AGBL4: variants seen among roughly 807,000 people sequenced by gnomAD.
AGBL4 encodes the protein cytosolic carboxypeptidase 6.
AGBL4 carries 58 observed loss-of-function variants against 66.4 expected under a neutral mutation model. The observed-to-expected ratio is 0.87, with a 90% CI of 0.71 to 1.09. The LOEUF (loss-of-function observed/expected upper bound fraction) is 1.09. Ranked by LOEUF, AGBL4 falls within the 50% of genes least tolerant of loss-of-function variation. The pLI, the probability that AGBL4 is intolerant of heterozygous loss-of-function variation, is 0.00. For missense variants in AGBL4, 579 were observed against 631.0 expected (o/e 0.92, Z 0.88); for synonymous variants, 234 against 222.9 (o/e 1.05, Z -0.44).
Position 48,742,002 on chromosome 1 carries a change from A to G in AGBL4, c.635-78761T>C, listed in dbSNP as rs188737548. On this transcript the variant is annotated intron_variant, in intron 6 of 13. Transcript: ENST00000371839. ...TTCACGAGCGATTCCATTACTAATA[A>G]TCTTAAGTTTTTGTTTATGATTTGT... is the stretch of plus-strand genomic sequence containing the variant. Among the ~76,000 whole-genome samples the G allele has an allele frequency of 2.0e-5, 3 of 152,286 alleles. No homozygotes were observed. In the East Asian group the frequency reaches 5.8e-4, roughly 29 times the overall value.
At chr1:49,326,377 G>A (rs1026609622) in intron 3 of AGBL4, among the ~76,000 whole-genome samples, 5 of 151,996 alleles carry the variant, frequency 3.3e-5, no homozygotes, top group African/African-American at 1.2e-4. Context: ...TTTTATCCAG[G>A]GCTATGTTTA....
At chr1:48,871,633 A>G (rs967414523) in intron 5 of AGBL4, among the ~76,000 whole-genome samples, 2 of 152,038 alleles carry the variant, frequency 1.3e-5, no homozygotes, top group East Asian at 1.9e-4. Context: ...GAGGAAACCA[A>G]TTTCTTTGCT....
At chr1:49,241,513 G>A (rs1455311642) in intron 4 of AGBL4, among the ~76,000 whole-genome samples, 1 of 151,976 alleles carries the variant, frequency 6.6e-6, no homozygotes, top group Non-Finnish European at 1.5e-5. Context: ...AATTATAACT[G>A]TTATTACAAA....
intron 1 of AGBL4, among the ~76,000 whole-genome samples, chr1:49,948,319 A>T (rs1234851753): frequency 1.8e-5 from 2 of 111,360 alleles, no homozygotes; most frequent in African/African-American, 7.5e-5. Context: ...TATATATATA[A>T]ATATATAAAC....
intron 4 of AGBL4, among the ~76,000 whole-genome samples, chr1:49,166,955 T>C (rs775918398): frequency 5.9e-5 from 9 of 152,198 alleles, no homozygotes; most frequent in African/African-American, 1.9e-4. Flanking sequence ...AACACATTAA[T>C]AGCCCTTTCA....
intron 3 of AGBL4, among the ~76,000 whole-genome samples, chr1:49,552,686 T>G (rs958936756): frequency 3.3e-5 from 5 of 152,198 alleles, no homozygotes; most frequent in Non-Finnish European, 1.5e-5. Flanking sequence ...GCAGTCCGCT[T>G]TCTTCAGAAG....
At chr1:49,139,495 C>G (rs187179460) in intron 4 of AGBL4, among the ~76,000 whole-genome samples, 2 of 152,072 alleles carry the variant, frequency 1.3e-5, no homozygotes, top group African/African-American at 4.8e-5. Flanking sequence ...GGAATTCAAA[C>G]CCCAGGCTGC....
Position 49,765,018 on chromosome 1 carries a change from A to G in AGBL4, c.158-67581T>C, listed in dbSNP as rs557479563. ...CACATTCCCCTACAAATACCTCAAC[A>G]CACTTCAGCAGGAGCTCCTCCCAGT... On this transcript the variant is annotated intron_variant, in intron 2 of 13. Transcript: ENST00000371839. 7.2e-5 allele frequency among the ~76,000 whole-genome samples: 11 copies of G among 152,254 alleles called. No homozygotes were observed. The South Asian group carries it at 1.9e-3, about 26-fold the overall frequency.
chr1:50,002,405 T>C (rs1185629775), intron 1 of AGBL4, among the ~76,000 whole-genome samples: 1 of 142,194 alleles, frequency 7.0e-6, no homozygotes, highest in Non-Finnish European at 1.5e-5. Context: ...AGTCTCGCTC[T>C]GTCGCCCAGG....
chr1:48,587,414 G>T (rs546633772), intron 10 of AGBL4, among the ~76,000 whole-genome samples: 1 of 151,842 alleles, frequency 6.6e-6, no homozygotes, highest in Non-Finnish European at 1.5e-5. Flanking sequence ...GAGAGAGGGA[G>T]CAGGGAAAAG....
chr1:49,915,418 C>T (rs1057393101), intron 1 of AGBL4, among the ~76,000 whole-genome samples: 12 of 152,312 alleles, frequency 7.9e-5, no homozygotes, highest in South Asian at 2.1e-4. Context: ...TCTTAACAAA[C>T]GGCACACCAA....
chr1:49,574,306 T>C (rs1558066552), intron 3 of AGBL4, among the ~76,000 whole-genome samples: 1 of 152,212 alleles, frequency 6.6e-6, no homozygotes, highest in Admixed American at 6.5e-5. Flanking sequence ...GTAGGGACTC[T>C]GCTTTTAATG....
At chr1:49,534,987 T>C (rs932710026) in intron 3 of AGBL4, among the ~76,000 whole-genome samples, 5 of 152,240 alleles carry the variant, frequency 3.3e-5, no homozygotes, top group African/African-American at 4.8e-5. Flanking sequence ...AGCCCCAGGC[T>C]GCACAGCTCT....
At chr1:48,690,706 G>C (rs1646616144) in intron 6 of AGBL4, among the ~76,000 whole-genome samples, 1 of 152,128 alleles carries the variant, frequency 6.6e-6, no homozygotes, top group Non-Finnish European at 1.5e-5. Flanking sequence ...ATCAATGTTG[G>C]AAATCTATCC....
chr1:49,499,691 T>C (rs1022889831), intron 3 of AGBL4, among the ~76,000 whole-genome samples: 1 of 151,880 alleles, frequency 6.6e-6, no homozygotes, highest in African/African-American at 2.4e-5. Flanking sequence ...ATGCCATCAT[T>C]TTGTTCCTTT....
intron 6 of AGBL4, among the ~76,000 whole-genome samples, chr1:48,713,103 A>T (rs61112195): frequency 0.014 from 2,191 of 152,340 alleles, 49 homozygotes; most frequent in African/African-American, 0.05. Flanking sequence ...CACAAGACTC[A>T]TGGTGAGCAA....
intron 3 of AGBL4, among the ~76,000 whole-genome samples, chr1:49,372,619 C>CTT (rs763475590): frequency 1.2e-4 from 7 of 56,964 alleles, no homozygotes; most frequent in Admixed American, 9.8e-4. Context: ...TTCTTTCTTT[C>CTT]TTTCTTTCTT....
intron 9 of AGBL4, among the ~76,000 whole-genome samples, chr1:48,596,842 A>T (rs1645001632): frequency 6.6e-6 from 1 of 152,168 alleles, no homozygotes. Context: ...CCTGCCACAA[A>T]AAAAGGGATA....
intron 3 of AGBL4, among the ~76,000 whole-genome samples, chr1:49,418,328 C>T (rs950604395): frequency 2.0e-5 from 3 of 152,168 alleles, no homozygotes; most frequent in Non-Finnish European, 4.4e-5. Context: ...TTGATTATCA[C>T]CTTGACTGCT....
Sources: gnomAD v4.1 joint callset for allele counts (sites outside exome capture counted in the v4.1 genomes callset) on GRCh38, gnomAD v4.1.1 for gene constraint, MANE v1.5 for transcripts, NCBI Gene and HGNC (gene_info 2026-07-23, HGNC 2026-07-21) for gene names.